The following RFX3 variants were observed in gnomAD, a reference collection of about 807,000 sequenced individuals.
RFX3 encodes the protein transcription factor RFX3.
In RFX3, 14 loss-of-function variants were observed where a neutral mutation model predicts 98.6. That is an observed-to-expected ratio of 0.14 (90% CI 0.09 to 0.22). The LOEUF (loss-of-function observed/expected upper bound fraction) is 0.22. Among genes scored for constraint, RFX3 ranks in the 10% least tolerant of loss-of-function variants. The probability of loss-of-function intolerance (pLI) is 1.00; values close to 1 mark genes in which losing one functional copy is unlikely to be tolerated. For synonymous variants in RFX3, 383 were observed against 328.4 expected, an observed-to-expected ratio of 1.17 and a Z score of -1.80; for missense variants, 639 against 926.9, an observed-to-expected ratio of 0.69 and a Z score of 4.03.
chr9:3,384,490 C>T (rs377593633), intron 2 of RFX3, among the ~76,000 whole-genome samples: 14 of 152,242 alleles, frequency 9.2e-5, no homozygotes, highest in African/African-American at 3.1e-4. Context: ...CCAGTTTCCT[C>T]GCCCATAAAA....
rs375038451 is a variant in RFX3, at chr9:3,465,684, A to G, written c.-9+60063T>C. ...TACAAAAATCAAAGCTATTATTCCT[A>G]TTATACAGGAGTTTACAGTATACAA... is the stretch of plus-strand genomic sequence containing the variant. On this transcript the variant is annotated intron_variant, in intron 1 of 16. Coordinates refer to ENST00000617270, the MANE Select transcript of RFX3 (RefSeq NM_001282116.2). Among the ~76,000 whole-genome samples the G allele has an allele frequency of 3.6e-4, 55 of 152,176 alleles. No homozygotes were observed. The South Asian group carries it at 0.011, about 30-fold the overall frequency.
intron 2 of RFX3, among the ~76,000 whole-genome samples, chr9:3,354,997 C>G (rs1255974763): frequency 1.3e-5 from 2 of 151,764 alleles, no homozygotes; most frequent in African/African-American, 2.4e-5. Context: ...ATTGAAAATA[C>G]TCTTTTATAA....
intron 1 of RFX3, among the ~76,000 whole-genome samples, chr9:3,468,417 A>G (rs986907060): frequency 1.3e-5 from 2 of 152,202 alleles, no homozygotes; most frequent in African/African-American, 2.4e-5. Context: ...AATTCATTTC[A>G]TGAATCTGCT....
intron 4 of RFX3, among the ~76,000 whole-genome samples, chr9:3,304,339 C>T (rs190857629): frequency 6.6e-6 from 1 of 151,952 alleles, no homozygotes; most frequent in Admixed American, 6.6e-5. Flanking sequence ...TTTTTAAGTA[C>T]ATAGTAACTG....
intron 4 of RFX3, among the ~76,000 whole-genome samples, chr9:3,318,077 G>A (rs1830835198): frequency 6.6e-6 from 1 of 152,220 alleles, no homozygotes; most frequent in Non-Finnish European, 1.5e-5. Context: ...GCACACGTAT[G>A]TTTACTGCAG....
Position 3,223,200 on chromosome 9 carries a change from G to C in RFX3, c.*1842C>G, listed in dbSNP as rs1563757329. The C allele has an allele frequency of 1.3e-5, 2 of 151,880 alleles. No homozygotes were observed. The highest frequency in any genetic ancestry group is 4.8e-5 in the African/African-American group (2 of 41,440). 9.4% of individuals were successfully genotyped at this position (151,880 alleles called of 1,614,324 possible). A position where few individuals can be genotyped will look rare whatever the true frequency, so the allele number is the denominator to read the frequency against. On this transcript the variant is annotated 3_prime_UTR_variant, in exon 17 of 17. Transcript: ENST00000617270. ...ATTATCTATTTATTTTTGCTGATTA[G>C]TTTTTTACAACTATTTAAATGAACA...
chr9:3,384,455 A>G (rs932424278), intron 2 of RFX3, among the ~76,000 whole-genome samples: 6 of 152,228 alleles, frequency 3.9e-5, no homozygotes, highest in African/African-American at 1.4e-4. Context: ...ATTATCAAAA[A>G]CAAGTTATTT....
chr9:3,501,474 T>A (rs535584394), intron 1 of RFX3, among the ~76,000 whole-genome samples: 1 of 152,206 alleles, frequency 6.6e-6, no homozygotes, highest in Non-Finnish European at 1.5e-5. Context: ...TTATTTTGTT[T>A]CTTCAAATTA....
chr9:3,318,219 G>T (rs563641892), intron 4 of RFX3, among the ~76,000 whole-genome samples: 237 of 152,298 alleles, frequency 1.6e-3, no homozygotes, highest in Non-Finnish European at 2.8e-3. Flanking sequence ...CATGTCCTTT[G>T]TAGAGACATG....
At position 3,220,671 on chromosome 9, in the gene RFX3, T is replaced by G. The variant is rs1354162092; in HGVS notation, c.*4371A>C. 6.6e-6 allele frequency: 1 copy of G among 151,930 alleles called. No individual in the cohort carries two copies. Among genetic ancestry groups the G allele is most frequent in the East Asian group, 1.9e-4 (1 of 5,184 alleles). The allele number at this position is 151,930 out of a possible 1,614,324, so 9.4% of individuals were successfully genotyped here. On this transcript the variant is annotated 3_prime_UTR_variant, in exon 17 of 17. Coordinates refer to ENST00000617270, the MANE Select transcript of RFX3 (RefSeq NM_001282116.2). ...TTAAAAAAACAGCATAATTAGACAT[T>G]TGGATATAGAGTATACTTTACCGGT... is the stretch of plus-strand genomic sequence containing the variant.
chr9:3,313,660 G>A (rs1434768198), intron 4 of RFX3, among the ~76,000 whole-genome samples: 2 of 152,166 alleles, frequency 1.3e-5, no homozygotes, highest in Non-Finnish European at 2.9e-5. Context: ...AGAATAAACA[G>A]TCTAGAGAAA....
At chr9:3,464,331 T>C (rs1438688659) in intron 1 of RFX3, among the ~76,000 whole-genome samples, 1 of 152,210 alleles carries the variant, frequency 6.6e-6, no homozygotes, top group Non-Finnish European at 1.5e-5. Flanking sequence ...TTATATTGCA[T>C]AACACTGTGT....
intron 1 of RFX3, among the ~76,000 whole-genome samples, chr9:3,412,800 A>G (rs1842568910): frequency 6.6e-6 from 1 of 152,186 alleles, no homozygotes; most frequent in South Asian, 2.1e-4. Flanking sequence ...TCTTACTTTT[A>G]AAAATTATTG....
chr9:3,326,644 G>A (rs1328361584), intron 4 of RFX3, among the ~76,000 whole-genome samples: 1 of 152,090 alleles, frequency 6.6e-6, no homozygotes, highest in East Asian at 1.9e-4. Context: ...CACCATCCAT[G>A]TTCCTGCAAA....
intron 1 of RFX3, among the ~76,000 whole-genome samples, chr9:3,521,236 A>C (rs71508568): frequency 6.6e-6 from 1 of 152,198 alleles, no homozygotes; most frequent in African/African-American, 2.4e-5. Context: ...AAATATCTAC[A>C]TAAGATAATC....
rs115383683 is a variant in RFX3 at position 3,503,295 on chromosome 9, T to C, written c.-9+22452A>G. On this transcript the variant is annotated intron_variant, in intron 1 of 16. Coordinates refer to ENST00000617270, the MANE Select transcript of RFX3 (RefSeq NM_001282116.2). The stretch of plus-strand genomic sequence containing the variant: ...AGATTAAAAATAAATATTGTATATA[T>C]AATTGTATAAGTTCAAAGAGAGAAA... Among the ~76,000 whole-genome samples, 1,257 of 152,258 alleles carry C rather than the reference T, an allele frequency of 8.3e-3. 10 individuals carry two copies. Among genetic ancestry groups the C allele is most frequent in the African/African-American group, 0.029 (1,208 of 41,548 alleles).
chr9:3,366,531 T>C (rs1455619059), intron 2 of RFX3, among the ~76,000 whole-genome samples: 1 of 152,248 alleles, frequency 6.6e-6, no homozygotes, highest in Non-Finnish European at 1.5e-5. Context: ...CCTGGTCTGA[T>C]ATCACTCAGT....
intron 1 of RFX3, among the ~76,000 whole-genome samples, chr9:3,504,952 A>AT (rs1816746475): frequency 1.4e-5 from 1 of 69,608 alleles, no homozygotes; most frequent in Admixed American, 2.7e-4. Flanking sequence ...ATAATATAAT[A>AT]TATATTATAT....
chr9:3,503,578 C>A (rs1034005153), intron 1 of RFX3, among the ~76,000 whole-genome samples: 2 of 151,968 alleles, frequency 1.3e-5, no homozygotes, highest in Non-Finnish European at 2.9e-5. Context: ...GACACTAGTA[C>A]ACAGAAAACC....
Sources: gnomAD v4.1 joint callset for allele counts (sites outside exome capture counted in the v4.1 genomes callset) on GRCh38, gnomAD v4.1.1 for gene constraint, MANE v1.5 for transcripts, NCBI Gene and HGNC (gene_info 2026-07-23, HGNC 2026-07-21) for gene names.